The following LMTK2 variants were observed in gnomAD, a reference collection of about 807,000 sequenced individuals.
The protein encoded by LMTK2 is lemur tail kinase 2.
LMTK2 carries 37 observed loss-of-function variants against 127.5 expected under a neutral mutation model. The observed-to-expected ratio is 0.29, with a 90% CI of 0.22 to 0.38. The LOEUF is 0.38. LMTK2 is among the 10% of genes least tolerant of loss of function. LMTK2 has a pLI of 1.00. For missense variants in LMTK2, 1,694 were observed against 1,920.3 expected (o/e 0.88, Z 2.20); for synonymous variants, 819 against 810.1 (o/e 1.01, Z -0.19).
intron 3 of LMTK2, among the ~76,000 whole-genome samples, chr7:98,144,358 G>A (rs1456225742): frequency 3.3e-5 from 5 of 151,822 alleles, no homozygotes; most frequent in African/African-American, 9.7e-5. Context: ...GCATGAACCC[G>A]GGAGGCGGAG....
At chr7:98,187,056 C>G in intron 9 of LMTK2, 58 bp downstream of exon 9, 1 of 1,513,606 alleles carries the variant, frequency 6.6e-7, no homozygotes, top group Non-Finnish European at 9.0e-7. Flanking sequence ...TAACTTCTTC[C>G]TCTTTGAGTA....
chr7:98,180,821 A>G (rs1377718406), intron 7 of LMTK2, among the ~76,000 whole-genome samples: 1 of 152,220 alleles, frequency 6.6e-6, no homozygotes, highest in Non-Finnish European at 1.5e-5. Context: ...AAAATTCACC[A>G]ATTTTGCTAA....
chr7:98,122,988 G>T (rs1796388827), intron 1 of LMTK2, among the ~76,000 whole-genome samples: 1 of 148,896 alleles, frequency 6.7e-6, no homozygotes. Context: ...CTTCCCCCTT[G>T]ATCTATTTTG....
chr7:98,140,118 C>CG (rs1327868910), intron 2 of LMTK2, among the ~76,000 whole-genome samples: 291 of 11,560 alleles, frequency 0.025, 61 homozygotes, highest in East Asian at 0.25. Flanking sequence ...TTCTTTCTTT[C>CG]TTTCTTTCTT....
At chr7:98,165,442 G>A (rs1401540092) in intron 6 of LMTK2, among the ~76,000 whole-genome samples, 5 of 152,166 alleles carry the variant, frequency 3.3e-5, no homozygotes, top group Non-Finnish European at 7.4e-5. Context: ...GTGCCAAAGT[G>A]AGTGTGTTTA....
chr7:98,129,050 ATTTG>A (rs2116344162), intron 1 of LMTK2, among the ~76,000 whole-genome samples: 1 of 152,110 alleles, frequency 6.6e-6, no homozygotes, highest in East Asian at 1.9e-4. Context: ...TTATAATCTT[ATTTG>A]TTTGACCCTG....
intron 6 of LMTK2, among the ~76,000 whole-genome samples, chr7:98,160,697 T>G (rs1023121534): frequency 3.3e-5 from 5 of 152,158 alleles, no homozygotes; most frequent in Admixed American, 3.3e-4. Flanking sequence ...TTGAGTCAGT[T>G]TTCTGTTGGT....
At chr7:98,114,437 A>C (rs990562102) in intron 1 of LMTK2, among the ~76,000 whole-genome samples, 1 of 151,674 alleles carries the variant, frequency 6.6e-6, no homozygotes, top group Non-Finnish European at 1.5e-5. Context: ...TAGAGATGGG[A>C]TCTCACTATA....
chr7:98,154,864 G>A lies in LMTK2; in HGVS notation c.557G>A (p.Gly186Glu), dbSNP rs1352693997. 1 of 1,596,744 alleles carries A rather than the reference G, an allele frequency of 6.3e-7. No homozygotes were observed. Among genetic ancestry groups the A allele is most frequent in the Non-Finnish European group, 8.6e-7 (1 of 1,164,166 alleles). Reference sequence around the variant, plus strand: ...GAACAAGATACTTTTTTGAAAAATGGAGAACCTTACTAGTAAGTAAACCTT... The same window carrying A: ...GAACAAGATACTTTTTTGAAAAATGAAGAACCTTACTAGTAAGTAAACCTT... Reference protein sequence around the residue: ...PKEQDTFLKNGEPYYILQHPN... With the variant: ...PKEQDTFLKNEEPYYILQHPN... Residue 186 changes from glycine to glutamate, a missense_variant, in exon 5 of 14, where the codon GGA becomes GAA. By Grantham distance (98) the Gly-to-Glu change is moderately conservative (BLOSUM62 -2). Coordinates refer to ENST00000297293, the MANE Select transcript of LMTK2 (RefSeq NM_014916.4).
In LMTK2 at chr7:98,191,940, G is replaced by A. The variant is rs555006026; in HGVS notation, c.1475G>A (p.Gly492Asp). 1.2e-4 allele frequency: 194 copies of A among 1,614,052 alleles called. 2 individuals carry two copies. In the South Asian group the frequency reaches 2.1e-3, roughly 17 times the overall value. Residue 492 changes from glycine (G) to aspartate (D), a missense_variant, in exon 11 of 14, where the codon GGC becomes GAC. Transcript: ENST00000297293. Reference protein sequence around the residue: ...KHDHFDERSRGHLDEGLSYTS... With the variant: ...KHDHFDERSRDHLDEGLSYTS... ...GACCACTTTGACGAGCGCAGCCGGG[G>A]CCACCTGGACGAAGGCTTGTCCTAC...
intron 1 of LMTK2, among the ~76,000 whole-genome samples, chr7:98,122,176 T>TA (rs1796372898): frequency 6.6e-6 from 1 of 152,208 alleles, no homozygotes; most frequent in Admixed American, 6.5e-5. Flanking sequence ...CATTGATTTA[T>TA]ATGCTTTTGT....
chr7:98,143,530 G>A (rs895386529), intron 3 of LMTK2, among the ~76,000 whole-genome samples: 12 of 152,066 alleles, frequency 7.9e-5, no homozygotes, highest in African/African-American at 2.7e-4. Context: ...AATCTCAAAT[G>A]GCCAATAAAC....
intron 11 of LMTK2, among the ~76,000 whole-genome samples, chr7:98,198,497 C>T (rs1797663509): frequency 6.6e-6 from 1 of 151,904 alleles, no homozygotes; most frequent in African/African-American, 2.4e-5. Flanking sequence ...CCTCTTTTCT[C>T]TTTTTTTGAG....
chr7:98,158,740 C>T (rs1304179355), intron 5 of LMTK2, among the ~76,000 whole-genome samples: 3 of 151,984 alleles, frequency 2.0e-5, no homozygotes, highest in Non-Finnish European at 4.4e-5. Flanking sequence ...ATAATGACAC[C>T]ATTTTATGTA....
chr7:98,175,337 G>T (rs557124571), intron 7 of LMTK2, among the ~76,000 whole-genome samples: 2 of 152,344 alleles, frequency 1.3e-5, no homozygotes, highest in African/African-American at 4.8e-5. Context: ...GAAAGAAAGG[G>T]AGTTTAGGGA....
chr7:98,139,065 G>A (rs1436334957), intron 2 of LMTK2, among the ~76,000 whole-genome samples: 1 of 152,182 alleles, frequency 6.6e-6, no homozygotes, highest in Admixed American at 6.5e-5. Context: ...CAGGTGACTT[G>A]CCGACATTCA....
At chr7:98,161,980 G>A (rs1797023929) in intron 6 of LMTK2, among the ~76,000 whole-genome samples, 1 of 152,168 alleles carries the variant, frequency 6.6e-6, no homozygotes, top group Non-Finnish European at 1.5e-5. Flanking sequence ...GCTGATGGAG[G>A]TGGCTTGGAA....
chr7:98,113,659 C>T lies in LMTK2; in HGVS notation c.103+6379C>T, dbSNP rs1380157535. ...ACTAAAATGAGGGAAGGAATATTCT[C>T]GGAGGAGATGCTGGACAACCATCTC... On this transcript the variant is annotated intron_variant, in intron 1 of 13. Coordinates refer to ENST00000297293, the MANE Select transcript of LMTK2 (RefSeq NM_014916.4). 5.9e-5 allele frequency among the ~76,000 whole-genome samples: 9 copies of T among 152,154 alleles called. 1 individual carries two copies. Among genetic ancestry groups the T allele is most frequent in the Non-Finnish European group, 1.0e-4 (7 of 68,034 alleles).
chr7:98,199,871 G>T (rs1194149880), intron 11 of LMTK2, among the ~76,000 whole-genome samples: 1 of 152,280 alleles, frequency 6.6e-6, no homozygotes, highest in South Asian at 2.1e-4. Flanking sequence ...CATTATATTT[G>T]ACATGAGTTT....
Sources: allele counts gnomAD v4.1 joint callset (sites outside exome capture counted in the v4.1 genomes callset), GRCh38; gene constraint gnomAD v4.1.1; transcripts MANE v1.5; gene names NCBI Gene and HGNC (gene_info 2026-07-23, HGNC 2026-07-21).